The following AKAP10 variants were observed in gnomAD, a reference collection of about 807,000 sequenced individuals.
AKAP10 encodes the protein A-kinase anchor protein 10, mitochondrial.
In AKAP10, 24 loss-of-function variants were observed where a neutral mutation model predicts 80.8. That is an observed-to-expected ratio of 0.30 (90% CI 0.22 to 0.42). AKAP10 has a LOEUF of 0.42. Ranked by LOEUF, AKAP10 falls within the 10% of genes least tolerant of loss-of-function variation. AKAP10 has a pLI of 1.00. For synonymous variants in AKAP10, 291 were observed against 277.7 expected (o/e 1.05, Z -0.48); for missense variants, 661 against 794.9 (o/e 0.83, Z 2.03).
At chr17:19,929,672 G>C (rs1265612146) in intron 10 of AKAP10, 2 of 152,032 alleles carry the variant, frequency 1.3e-5, no homozygotes, top group East Asian at 3.9e-4. Context: ...CCTTTCTTAA[G>C]TGCCTAATCA....
intron 5 of AKAP10, among the ~76,000 whole-genome samples, chr17:19,946,205 T>TA (rs2043105462): frequency 6.7e-4 from 31 of 46,054 alleles, no homozygotes; most frequent in South Asian, 2.6e-3. Flanking sequence ...TACATATATT[T>TA]TATATATATA....
intron 7 of AKAP10, among the ~76,000 whole-genome samples, chr17:19,940,443 A>G (rs1318271978): frequency 6.6e-6 from 1 of 152,214 alleles, no homozygotes; most frequent in Non-Finnish European, 1.5e-5. Context: ...GTATGCCTCA[A>G]AAAGATTAAT....
intron 11 of AKAP10, among the ~76,000 whole-genome samples, chr17:19,922,624 G>T (rs1021560476): frequency 1.3e-5 from 2 of 152,140 alleles, no homozygotes; most frequent in East Asian, 1.9e-4. Context: ...ATACATGCTG[G>T]GTGTGGTGGC....
intron 5 of AKAP10, among the ~76,000 whole-genome samples, chr17:19,946,235 TATTATATATA>T (rs2043112600): frequency 5.7e-5 from 1 of 17,640 alleles, no homozygotes; most frequent in East Asian, 1.8e-3. Context: ...TATATATATA[TATTATATATA>T]TATATATATA....
chr17:19,960,148 G>C (rs2043331123), intron 3 of AKAP10, among the ~76,000 whole-genome samples: 3 of 152,104 alleles, frequency 2.0e-5, no homozygotes, highest in Non-Finnish European at 4.4e-5. Context: ...ATCTTGCAAA[G>C]CTATAGTACA....
rs762119009 is a variant in AKAP10 at position 19,931,832 on chromosome 17, T to G, written c.1614A>C (p.Pro538=). 4 of 1,613,826 alleles carry G rather than the reference T, an allele frequency of 2.5e-6. No homozygotes were observed. The highest frequency in any genetic ancestry group is 1.7e-4 in the Middle Eastern group (1 of 6,054). Residue 538 remains proline, a synonymous_variant, in exon 10 of 15, where the codon CCA becomes CCC. Coordinates refer to ENST00000225737, the MANE Select transcript of AKAP10 (RefSeq NM_007202.4). ...GSVGPPDESH[P]GSSDSSASQS... is the part of the protein sequence containing the mutation. ...GAGACGCAGAGCTGTCAGAACTCCC[T>G]GGGTGAGACTCATCAGGAGGGCCAA...
chr17:19,967,212 T>TAC (rs893231728), intron 2 of AKAP10, among the ~76,000 whole-genome samples: 42 of 152,348 alleles, frequency 2.8e-4, no homozygotes, highest in African/African-American at 9.1e-4. Flanking sequence ...TCAATCTCTG[T>TAC]ACACTGGACA....
intron 13 of AKAP10, among the ~76,000 whole-genome samples, 186 bp downstream of exon 13, chr17:19,909,740 C>T (rs866452207): frequency 1.5e-4 from 23 of 152,188 alleles, no homozygotes; most frequent in African/African-American, 5.5e-4. Context: ...ACCTTCACTG[C>T]TACTACCAGG....
intron 12 of AKAP10, among the ~76,000 whole-genome samples, chr17:19,912,348 T>A (rs1238114525): frequency 6.6e-6 from 1 of 152,168 alleles, no homozygotes; most frequent in East Asian, 1.9e-4. Context: ...ACCAGCCTGG[T>A]CAACATAGTG....
intron 1 of AKAP10, among the ~76,000 whole-genome samples, chr17:19,969,032 T>C (rs2043460270): frequency 6.6e-6 from 1 of 152,160 alleles, no homozygotes; most frequent in African/African-American, 2.4e-5. Context: ...ATCCTAAGCC[T>C]CTAACACTCA....
rs559154757 is a variant in AKAP10, at chr17:19,944,212, C to G, written c.977-2302G>C. Among the ~76,000 whole-genome samples, 8 of 152,292 alleles carry G rather than the reference C, an allele frequency of 5.3e-5. No homozygotes were observed. In the South Asian group the frequency reaches 1.7e-3, roughly 32 times the overall value. ...TCCTTGCTCCCATCTAAGCAATCTT[C>G]TATGTGAGCACTGGAATTCATCCCT... On this transcript the variant is annotated intron_variant, in intron 5 of 14. Coordinates refer to ENST00000225737, the MANE Select transcript of AKAP10 (RefSeq NM_007202.4).
chr17:19,931,392 C>CTT (rs577953997), intron 10 of AKAP10, among the ~76,000 whole-genome samples: 44 of 137,800 alleles, frequency 3.2e-4, no homozygotes, highest in African/African-American at 9.3e-4. Context: ...TTATTTCTCT[C>CTT]TTTTTTTTTT....
chr17:19,973,959 T>TTGGGAGGCCGAGGCAGGC (rs2043531686), intron 1 of AKAP10, among the ~76,000 whole-genome samples: 1 of 152,114 alleles, frequency 6.6e-6, no homozygotes, highest in Non-Finnish European at 1.5e-5. Context: ...ATCCCAGCCT[T>TTGGGAGGCCGAGGCAGGC]TGGGAGGCCG....
intron 10 of AKAP10, among the ~76,000 whole-genome samples, 180 bp downstream of exon 10, chr17:19,931,625 G>A (rs953213638): frequency 6.6e-6 from 1 of 151,818 alleles, no homozygotes; most frequent in Non-Finnish European, 1.5e-5. Flanking sequence ...TCCTGACCTC[G>A]TGTGATCCGC....
intron 1 of AKAP10, among the ~76,000 whole-genome samples, chr17:19,969,568 C>T (rs759100844): frequency 4.7e-5 from 7 of 150,310 alleles, no homozygotes; most frequent in Non-Finnish European, 1.0e-4. Context: ...AAAAATCTTA[C>T]CAGGAAAAGG....
At chr17:19,946,091 ATTT>A (rs532861879) in intron 5 of AKAP10, among the ~76,000 whole-genome samples, 1 of 137,610 alleles carries the variant, frequency 7.3e-6, no homozygotes, top group African/African-American at 2.8e-5. Context: ...AGATACTTTG[ATTT>A]TTTTATTCTA....
At position 19,920,194 on chromosome 17, in the gene AKAP10, C is replaced by A. The variant is rs556511969; in HGVS notation, c.1752-76G>T. On this transcript the variant is annotated intron_variant, in intron 11 of 14. Transcript: ENST00000225737. ...TTAGGAGAAAACAATCAATTTAAAGCGTTTCATCTAAATCTAGAAAGCCAG... is the reference window on the plus strand; with the variant it reads ...TTAGGAGAAAACAATCAATTTAAAGAGTTTCATCTAAATCTAGAAAGCCAG... 6.2e-5 allele frequency: 69 copies of A among 1,112,986 alleles called. No homozygotes were observed. The African/African-American group carries it at 8.9e-4, about 14-fold the overall frequency. The allele number at this position is 1,112,986 out of a possible 1,614,324, so 68.9% of individuals were successfully genotyped here. A position where few individuals can be genotyped will look rare whatever the true frequency, so the allele number is the denominator to read the frequency against.
At chr17:19,954,694 C>T (rs572681955) in intron 4 of AKAP10, among the ~76,000 whole-genome samples, 65 of 151,112 alleles carry the variant, frequency 4.3e-4, no homozygotes, top group Non-Finnish European at 7.8e-4. Context: ...GGGGTTTCAC[C>T]GCATTAGCCA....
intron 1 of AKAP10, among the ~76,000 whole-genome samples, chr17:19,971,508 C>CA (rs201771634): frequency 0.017 from 1,715 of 102,464 alleles, 20 homozygotes; most frequent in African/African-American, 0.043. Flanking sequence ...GACTCCATCT[C>CA]AAAAAAAAAA....
Sources: allele counts gnomAD v4.1 joint callset (sites outside exome capture counted in the v4.1 genomes callset), GRCh38; gene constraint gnomAD v4.1.1; transcripts MANE v1.5; gene names NCBI Gene and HGNC (gene_info 2026-07-23, HGNC 2026-07-21).